The following ACYP2 variants were observed in gnomAD, a reference collection of about 807,000 sequenced individuals.
The protein encoded by ACYP2 is acylphosphatase-2.
In ACYP2, 12 loss-of-function variants were observed where a neutral mutation model predicts 11.2. That is an observed-to-expected ratio of 1.08 (90% confidence interval 0.69 to 1.74). The LOEUF is 1.74. ACYP2 is among the 40% of genes most tolerant of loss of function. The pLI is 0.00. For synonymous variants in ACYP2, 43 were observed against 32.2 expected (o/e 1.33, Z -1.13); for missense variants, 134 against 101.9 (o/e 1.31, Z -1.35).
chr2:54,123,314 C>T (rs1003639235), intron 4 of ACYP2: 2 of 398,448 alleles, frequency 5.0e-6, no homozygotes, highest in Non-Finnish European at 8.8e-6. Context: ...AGAGGATCTT[C>T]ACTGCAGTTG....
intron 4 of ACYP2, among the ~76,000 whole-genome samples, chr2:54,111,507 G>C (rs552341889): frequency 2.0e-5 from 3 of 152,272 alleles, no homozygotes; most frequent in Admixed American, 6.5e-5. Flanking sequence ...TCAAACCTGG[G>C]ACAGAATCTC....
intron 6 of ACYP2, among the ~76,000 whole-genome samples, chr2:54,198,036 T>TGTATTGTATTGTATTGTATTGTATTGTA (rs1462389697): frequency 6.9e-6 from 1 of 144,044 alleles, no homozygotes; most frequent in South Asian, 2.2e-4. Context: ...TGTATTGTAT[T>TGTATTGTATTGTATTGTATTGTATTGTA]TTAAGACAGT....
intron 6 of ACYP2, among the ~76,000 whole-genome samples, chr2:54,176,970 C>G (rs7594400): frequency 0.12 from 17,620 of 152,196 alleles, 2,307 homozygotes; most frequent in African/African-American, 0.32. Flanking sequence ...CACAGGCACT[C>G]TTCCCAAGGG....
At chr2:54,103,952 A>C (rs555210358) in intron 4 of ACYP2, among the ~76,000 whole-genome samples, 164 of 152,328 alleles carry the variant, frequency 1.1e-3, no homozygotes, top group African/African-American at 3.8e-3. Flanking sequence ...CACTGAATAC[A>C]GATGCCAGTC....
At chr2:54,063,275 T>G (rs1217922385) in intron 4 of ACYP2, among the ~76,000 whole-genome samples, 1 of 152,196 alleles carries the variant, frequency 6.6e-6, no homozygotes, top group East Asian at 1.9e-4. Context: ...TGTGAGCCAC[T>G]GCACCTGGCC....
intron 6 of ACYP2, among the ~76,000 whole-genome samples, chr2:54,245,927 C>A (rs1159627289): frequency 1.3e-5 from 2 of 152,002 alleles, no homozygotes; most frequent in Non-Finnish European, 2.9e-5. Flanking sequence ...TAAAATCTTG[C>A]CCCAGACCAA....
At chr2:54,002,725 C>T (rs1449164767) in intron 2 of ACYP2, among the ~76,000 whole-genome samples, 1 of 151,214 alleles carries the variant, frequency 6.6e-6, no homozygotes, top group African/African-American at 2.4e-5. Flanking sequence ...GATTTCGGCT[C>T]ACCACAACCT....
At chr2:54,219,563 C>T (rs1041728070) in intron 6 of ACYP2, among the ~76,000 whole-genome samples, 6 of 152,062 alleles carry the variant, frequency 3.9e-5, no homozygotes, top group Admixed American at 2.0e-4. Context: ...TTAGTTCATT[C>T]GAATTAATTA....
At chr2:54,259,643 T>C (rs843698) in intron 6 of ACYP2, among the ~76,000 whole-genome samples, 39,405 of 151,598 alleles carry the variant, frequency 0.26, 5,385 homozygotes, top group South Asian at 0.45. Flanking sequence ...AAGAGCACTT[T>C]CAGTGGAGTG....
At chr2:54,041,842 G>GT (rs1435803986) in intron 2 of ACYP2, among the ~76,000 whole-genome samples, 4 of 152,040 alleles carry the variant, frequency 2.6e-5, no homozygotes, top group African/African-American at 7.2e-5. Flanking sequence ...CCACGTTGGA[G>GT]TACACTGGCA....
chr2:54,260,986 A>T (rs895817640), intron 6 of ACYP2, among the ~76,000 whole-genome samples: 1 of 152,214 alleles, frequency 6.6e-6, no homozygotes, highest in African/African-American at 2.4e-5. Context: ...TATGTATTCT[A>T]GGGCCAAGGT....
intron 6 of ACYP2, among the ~76,000 whole-genome samples, chr2:54,212,822 A>G (rs1685381622): frequency 7.0e-6 from 1 of 142,230 alleles, no homozygotes; most frequent in Non-Finnish European, 1.6e-5. Flanking sequence ...AATATTCAAA[A>G]AGTTTAATGT....
chr2:54,291,679 T>TA (rs1689312323), intron 6 of ACYP2, among the ~76,000 whole-genome samples: 1 of 152,244 alleles, frequency 6.6e-6, no homozygotes, highest in Non-Finnish European at 1.5e-5. Context: ...GGCATCCATT[T>TA]AGCTGGTGTG....
intron 4 of ACYP2, among the ~76,000 whole-genome samples, chr2:54,126,866 A>G (rs543348412): frequency 6.6e-6 from 1 of 152,054 alleles, no homozygotes; most frequent in East Asian, 1.9e-4. Flanking sequence ...AGGCAGGAGA[A>G]TAAGTTGGAC....
chr2:54,099,855 T>G (rs573111912), intron 4 of ACYP2, among the ~76,000 whole-genome samples: 44 of 152,324 alleles, frequency 2.9e-4, no homozygotes, highest in African/African-American at 9.6e-4. Flanking sequence ...TTTAATTGCT[T>G]GAGAAACCTA....
At chr2:54,021,318 A>G (rs1280655880) in intron 2 of ACYP2, among the ~76,000 whole-genome samples, 1 of 152,162 alleles carries the variant, frequency 6.6e-6, no homozygotes, top group Non-Finnish European at 1.5e-5. Flanking sequence ...GGTGGAAAAG[A>G]TTGTTTACTG....
intron 2 of ACYP2, among the ~76,000 whole-genome samples, chr2:54,031,120 T>A (rs952209784): frequency 6.8e-6 from 1 of 147,236 alleles, no homozygotes; most frequent in Non-Finnish European, 1.5e-5. Flanking sequence ...AGGAAAGCAC[T>A]TCTTCTTCTT....
intron 2 of ACYP2, among the ~76,000 whole-genome samples, chr2:53,992,840 A>AAG (rs1193840681): frequency 6.6e-6 from 1 of 151,850 alleles, no homozygotes; most frequent in Non-Finnish European, 1.5e-5. Context: ...CAAAAAAAAA[A>AAG]AAAAAAAGTT....
intron 6 of ACYP2, among the ~76,000 whole-genome samples, chr2:54,274,509 T>C (rs1688459187): frequency 6.6e-6 from 1 of 151,030 alleles, no homozygotes; most frequent in Non-Finnish European, 1.5e-5. Context: ...GGTACGGTGG[T>C]GCACACCTGT....
Sources: gnomAD v4.1 joint callset for allele counts (sites outside exome capture counted in the v4.1 genomes callset) on GRCh38, gnomAD v4.1.1 for gene constraint, MANE v1.5 for transcripts, NCBI Gene and HGNC (gene_info 2026-07-23, HGNC 2026-07-21) for gene names.